NRIP1: variants seen among roughly 807,000 people sequenced by gnomAD.
NRIP1 encodes nuclear receptor interacting protein 1, also known as nuclear receptor-interacting protein 1.
Under a neutral mutation model 75.0 loss-of-function variants are expected in NRIP1, and 28 were observed. That is an observed-to-expected ratio of 0.37 (90% CI 0.28 to 0.51). The LOEUF (loss-of-function observed/expected upper bound fraction) is 0.51. NRIP1 is among the 20% of genes least tolerant of loss of function. NRIP1 has a pLI of 0.92. For missense variants in NRIP1, 1,435 were observed against 1,343.7 expected (o/e 1.07, Z -1.06); for synonymous variants, 526 against 487.6 (o/e 1.08, Z -1.04).
At chr21:15,029,128 T>C (rs2088586392) in intron 2 of NRIP1, among the ~76,000 whole-genome samples, 1 of 152,328 alleles carries the variant, frequency 6.6e-6, no homozygotes, top group South Asian at 2.1e-4. Flanking sequence ...TGAATTATCA[T>C]AATGGCCGCC....
intron 1 of NRIP1, among the ~76,000 whole-genome samples, chr21:15,053,681 A>G (rs1201571679): frequency 6.6e-6 from 1 of 152,204 alleles, no homozygotes; most frequent in Non-Finnish European, 1.5e-5. Flanking sequence ...ACAGTGCATA[A>G]ATAGTAAATG....
chr21:15,057,105 A>G (rs2089323304), intron 1 of NRIP1, among the ~76,000 whole-genome samples: 1 of 152,166 alleles, frequency 6.6e-6, no homozygotes, highest in African/African-American at 2.4e-5. Context: ...TTTGCATTTC[A>G]GAGAGCAGTT....
At chr21:15,054,332 G>A (rs2089263032) in intron 1 of NRIP1, among the ~76,000 whole-genome samples, 3 of 152,116 alleles carry the variant, frequency 2.0e-5, no homozygotes, top group Admixed American at 2.0e-4. Flanking sequence ...TGATGCTAAG[G>A]AAACTGCCTA....
intron 3 of NRIP1, among the ~76,000 whole-genome samples, chr21:14,999,120 T>G (rs753409334): frequency 6.6e-6 from 1 of 152,112 alleles, no homozygotes; most frequent in Non-Finnish European, 1.5e-5. Context: ...TCCTCTCGCC[T>G]CAACCTCCCA....
chr21:14,989,796 G>T (rs998304980), intron 3 of NRIP1, among the ~76,000 whole-genome samples: 1 of 152,086 alleles, frequency 6.6e-6, no homozygotes, highest in Non-Finnish European at 1.5e-5. Context: ...GTGTGTGGAG[G>T]TGAGGAGGAG....
chr21:14,993,203 C>T (rs1449821292), intron 3 of NRIP1, among the ~76,000 whole-genome samples: 1 of 148,758 alleles, frequency 6.7e-6, no homozygotes, highest in East Asian at 2.0e-4. Context: ...GATGATCACA[C>T]ATAACCAACT....
intron 3 of NRIP1, among the ~76,000 whole-genome samples, chr21:15,003,011 C>T (rs187145465): frequency 1.1e-4 from 16 of 152,264 alleles, no homozygotes; most frequent in African/African-American, 3.9e-4. Context: ...ATTATGGCAT[C>T]ACGGTGGTAT....
chr21:15,014,486 T>C lies in NRIP1; in HGVS notation c.-457-20A>G, dbSNP rs1043687532. The stretch of plus-strand genomic sequence containing the variant: ...GTGCATCTTAACAAGAGGGAAAAGA[T>C]AGTTTGGCATCTATTCCAAACCAGA... On this transcript the variant is annotated intron_variant, in intron 2 of 3. Coordinates refer to ENST00000318948, the MANE Select transcript of NRIP1 (RefSeq NM_003489.4). 7.5e-6 allele frequency: 3 copies of C among 398,304 alleles called. No individual in the cohort carries two copies. The highest frequency in any genetic ancestry group is 6.2e-4 in the Middle Eastern group (1 of 1,606). 24.7% of individuals were successfully genotyped at this position (398,304 alleles called of 1,614,324 possible). A position where few individuals can be genotyped will look rare whatever the true frequency, so the allele number is the denominator to read the frequency against.
chr21:15,007,935 G>C (rs1419179004), intron 3 of NRIP1, among the ~76,000 whole-genome samples: 1 of 152,084 alleles, frequency 6.6e-6, no homozygotes, highest in Non-Finnish European at 1.5e-5. Flanking sequence ...AAAACACTAC[G>C]AGTAAAAACA....
chr21:15,024,592 GTGTGTC>G (rs781320426), intron 2 of NRIP1, among the ~76,000 whole-genome samples: 1 of 151,272 alleles, frequency 6.6e-6, no homozygotes, highest in Admixed American at 6.6e-5. Flanking sequence ...GTGTGTGTGT[GTGTGTC>G]TGTGTGTGTG....
chr21:15,033,420 G>A (rs1482633749), intron 2 of NRIP1, among the ~76,000 whole-genome samples: 2 of 151,970 alleles, frequency 1.3e-5, no homozygotes, highest in African/African-American at 4.8e-5. Context: ...GCAGAGTTGG[G>A]GTTCATACCT....
chr21:15,052,736 A>G (rs1450997158), intron 1 of NRIP1, among the ~76,000 whole-genome samples: 1 of 152,222 alleles, frequency 6.6e-6, no homozygotes, highest in Non-Finnish European at 1.5e-5. Context: ...AAACACAATG[A>G]AAAACACTTC....
At chr21:15,031,070 TG>T (rs1316596508) in intron 2 of NRIP1, among the ~76,000 whole-genome samples, 2 of 46,268 alleles carry the variant, frequency 4.3e-5, no homozygotes. Context: ...CCTTTCTATG[TG>T]TGTACACTCT....
At chr21:14,986,412 C>T (rs1341775766) in intron 3 of NRIP1, among the ~76,000 whole-genome samples, 2 of 152,164 alleles carry the variant, frequency 1.3e-5, no homozygotes, top group Non-Finnish European at 2.9e-5. Context: ...CAACTTTTTA[C>T]CATATTAGCA....
At chr21:15,061,477 G>C (rs79735441) in intron 1 of NRIP1, among the ~76,000 whole-genome samples, 2,258 of 152,226 alleles carry the variant, frequency 0.015, 47 homozygotes, top group African/African-American at 0.05. Flanking sequence ...AAGGGGAAGA[G>C]AGCAAGGGAG....
chr21:15,048,834 T>C (rs1353640032), intron 1 of NRIP1, among the ~76,000 whole-genome samples: 2 of 152,204 alleles, frequency 1.3e-5, no homozygotes, highest in Non-Finnish European at 2.9e-5. Flanking sequence ...AGAATGTGTG[T>C]AATTTACCAA....
At chr21:14,985,415 G>A (rs1174677956) in intron 3 of NRIP1, among the ~76,000 whole-genome samples, 1 of 152,106 alleles carries the variant, frequency 6.6e-6, no homozygotes, top group East Asian at 1.9e-4. Context: ...AGAGAGTTCT[G>A]TGGGTTTAGA....
Position 14,966,204 on chromosome 21 carries a change from T to A in NRIP1, c.1989A>T (p.Ile663=). The A allele has an allele frequency of 1.2e-6, 2 of 1,613,876 alleles. No individual in the cohort carries two copies. Among genetic ancestry groups the A allele is most frequent in the South Asian group, 2.2e-5 (2 of 91,026 alleles). The change falls in exon 4 of 4, where the codon ATA becomes ATT. Residue 663 remains isoleucine (I), a synonymous_variant. Transcript: ENST00000318948. ...QLLTGNTDKP[I]GMIDRLNSPL... ...GGCTATTTAATCTATCAATCATACCTATCGGTTTATCTGTGTTTCCAGTTA... is the reference window on the plus strand; with the variant it reads ...GGCTATTTAATCTATCAATCATACCAATCGGTTTATCTGTGTTTCCAGTTA...
Position 14,964,920 on chromosome 21 carries a change from C to G in NRIP1, c.3273G>C (p.Arg1091Ser). Residue 1091 changes from arginine to serine, a missense_variant, in exon 4 of 4, where the codon AGG becomes AGC. Transcript: ENST00000318948. The part of the protein sequence containing the change: ...SRETQDKDIW[R>S]EASSAESVSQ... ...AGACACTTTCAGCAGATGAAGCCTC[C>G]CTCCAAATGTCCTTGTCTTGTGTTT... The G allele has an allele frequency of 6.2e-7, 1 of 1,613,404 alleles. No homozygotes were observed. Among genetic ancestry groups the G allele is most frequent in the South Asian group, 1.1e-5 (1 of 90,962 alleles).
Sources: gnomAD v4.1 joint callset for allele counts (sites outside exome capture counted in the v4.1 genomes callset) on GRCh38, gnomAD v4.1.1 for gene constraint, MANE v1.5 for transcripts, NCBI Gene and HGNC (gene_info 2026-07-23, HGNC 2026-07-21) for gene names.